Variants in MMP26 observed in about 807,000 individuals in gnomAD.
MMP26 encodes the protein matrix metallopeptidase 26.
MMP26 carries 33 observed loss-of-function variants against 31.0 expected under a neutral mutation model. The ratio of observed to expected loss-of-function variants is 1.06; its 90% CI spans 0.81 to 1.42. The LOEUF is 1.42. Ranked by LOEUF, MMP26 falls within the 40% of genes most tolerant of loss-of-function variation. MMP26 has a pLI of 0.00. For missense variants in MMP26, 347 were observed against 316.1 expected, an observed-to-expected ratio of 1.10 and a Z score of -0.74; for synonymous variants, 122 against 114.9, an observed-to-expected ratio of 1.06 and a Z score of -0.40.
chr11:4,969,421 A>G (rs1230083892), intron 2 of MMP26, among the ~76,000 whole-genome samples: 1 of 152,064 alleles, frequency 6.6e-6, no homozygotes, highest in Non-Finnish European at 1.5e-5. Context: ...TTAAGGTTGC[A>G]AGTTACTAAA....
intron 2 of MMP26, chr11:4,803,861 G>GT: frequency 6.2e-7 from 1 of 1,612,714 alleles, no homozygotes. Context: ...ATGGCTTGGT[G>GT]TTGGCAGAAG....
chr11:4,992,211 T>C lies in MMP26; in HGVS notation c.758-3T>C, dbSNP rs780246343. On this transcript the variant is annotated splice_polypyrimidine_tract_variant and splice_region_variant and intron_variant, in intron 7 of 7. Coordinates refer to ENST00000380390, the MANE Select transcript of MMP26 (RefSeq NM_021801.5). ...CTGTTGTTTTTTTTTTCTGTTTCCA[T>C]AGGAGAAAAATGTTCATCTGACATA... 22 of 1,606,102 alleles carry C rather than the reference T, an allele frequency of 1.4e-5. No homozygotes were observed. Among genetic ancestry groups the C allele is most frequent in the East Asian group, 6.7e-5 (3 of 44,758 alleles).
At chr11:4,986,580 G>C (rs1383953500) in intron 2 of MMP26, among the ~76,000 whole-genome samples, 1 of 137,494 alleles carries the variant, frequency 7.3e-6, no homozygotes, top group Non-Finnish European at 1.5e-5. Context: ...TCCCAGGCTG[G>C]AGTGCAGTGG....
chr11:4,862,674 G>A (rs1276343099), intron 2 of MMP26, among the ~76,000 whole-genome samples: 2 of 152,122 alleles, frequency 1.3e-5, no homozygotes, highest in Non-Finnish European at 1.5e-5. Context: ...GCAAGAACAA[G>A]TAGTTTCCCT....
intron 2 of MMP26, chr11:4,907,599 C>G (rs780032211): frequency 2.5e-6 from 4 of 1,613,832 alleles, no homozygotes; most frequent in Non-Finnish European, 2.5e-6. Context: ...TCCCTCTCCT[C>G]CCTTCCTACC....
intron 2 of MMP26, among the ~76,000 whole-genome samples, chr11:4,929,602 A>C (rs1851319010): frequency 6.6e-6 from 1 of 152,150 alleles, no homozygotes; most frequent in Admixed American, 6.6e-5. Flanking sequence ...CATTCAAATT[A>C]ATTTTACTCC....
chr11:4,936,299 G>T (rs1024682759), intron 2 of MMP26, among the ~76,000 whole-genome samples: 3 of 151,140 alleles, frequency 2.0e-5, no homozygotes, highest in African/African-American at 7.3e-5. Context: ...TCCTGGTTTA[G>T]TCTTGGGAGA....
In MMP26 at chr11:4,727,980, T is replaced by C. The variant is rs187342001; in HGVS notation, c.-217+22935T>C. 2.1e-3 allele frequency among the ~76,000 whole-genome samples: 313 copies of C among 152,312 alleles called. 1 individual carries two copies. The Middle Eastern group carries it at 0.048, about 23-fold the overall frequency. On this transcript the variant is annotated intron_variant, in intron 1 of 7. Transcript: ENST00000380390. Reference sequence around the variant, plus strand: ...AGTGTAAGTGAGCAGAATATACTCATGATCAGTTATTGGGAGTATAATTGG... The same window carrying C: ...AGTGTAAGTGAGCAGAATATACTCACGATCAGTTATTGGGAGTATAATTGG...
intron 2 of MMP26, among the ~76,000 whole-genome samples, chr11:4,905,189 A>G (rs902730806): frequency 3.3e-5 from 5 of 152,204 alleles, no homozygotes; most frequent in Admixed American, 1.3e-4. Context: ...ATAACAGGAG[A>G]ATGCTTTTAA....
At chr11:4,748,576 C>CAAAAAAA (rs376553434) in intron 1 of MMP26, among the ~76,000 whole-genome samples, 7 of 122,712 alleles carry the variant, frequency 5.7e-5, no homozygotes, top group African/African-American at 1.7e-4. Context: ...AACAGCACAT[C>CAAAAAAA]AAAAAAAAAA....
intron 1 of MMP26, chr11:4,723,717 G>A (rs1848052801): frequency 9.4e-7 from 1 of 1,068,946 alleles, no homozygotes. Flanking sequence ...GGCCCAGAGT[G>A]TCCAGTTGCC....
chr11:4,954,967 C>A, intron 2 of MMP26: 1 of 1,334,370 alleles, frequency 7.5e-7, no homozygotes, highest in South Asian at 1.2e-5. Context: ...AGAAGATGAT[C>A]ACTGCACAGA....
chr11:4,807,708 G>A (rs1409062148), intron 2 of MMP26, among the ~76,000 whole-genome samples: 2 of 152,144 alleles, frequency 1.3e-5, no homozygotes, highest in Non-Finnish European at 2.9e-5. Flanking sequence ...CGTGGCACAT[G>A]TATACATATG....
intron 2 of MMP26, chr11:4,882,679 C>G (rs111347642): frequency 6.2e-7 from 1 of 1,613,940 alleles, no homozygotes; most frequent in Non-Finnish European, 8.5e-7. Flanking sequence ...TGATCAGCCT[C>G]TCTTTGGCAC....
chr11:4,898,711 C>T (rs780044453), intron 2 of MMP26, among the ~76,000 whole-genome samples: 7 of 151,934 alleles, frequency 4.6e-5, no homozygotes, highest in Non-Finnish European at 8.8e-5. Flanking sequence ...ATATAGGGGA[C>T]ATTTACTTAC....
At chr11:4,821,451 G>C in intron 2 of MMP26, 2 of 1,613,830 alleles carry the variant, frequency 1.2e-6, no homozygotes, top group Non-Finnish European at 1.7e-6. Flanking sequence ...CCATTGCTGA[G>C]CCTCTGATCT....
intron 2 of MMP26, among the ~76,000 whole-genome samples, chr11:4,880,927 A>G (rs908031781): frequency 1.3e-5 from 2 of 152,106 alleles, no homozygotes; most frequent in African/African-American, 4.8e-5. Context: ...GAAAATAGGG[A>G]TGTTGACCTT....
intron 1 of MMP26, among the ~76,000 whole-genome samples, chr11:4,746,400 T>A (rs1271033782): frequency 2.0e-5 from 3 of 152,242 alleles, no homozygotes; most frequent in Non-Finnish European, 4.4e-5. Flanking sequence ...TTAAATTATA[T>A]CTTTGCAAAT....
In MMP26 at chr11:4,988,295, A is replaced by G; in HGVS notation, c.84A>G (p.Gly28=). ...VPVPPAADHK[G]WDFVEGYFHQ... Reference sequence around the variant, plus strand: ...TGCCCCCTGCTGCAGACCATAAAGGATGGGACTTTGTTGAGGTAGGTGAAC... The same window carrying G: ...TGCCCCCTGCTGCAGACCATAAAGGGTGGGACTTTGTTGAGGTAGGTGAAC... Residue 28 remains glycine (G), a synonymous_variant, in exon 3 of 8, where the codon GGA becomes GGG. Transcript: ENST00000380390. 2 of 1,613,858 alleles carry G rather than the reference A, an allele frequency of 1.2e-6. No homozygotes were observed. Among genetic ancestry groups the G allele is most frequent in the East Asian group, 2.2e-5 (1 of 44,858 alleles).
Sources: gnomAD v4.1 joint callset for allele counts (sites outside exome capture counted in the v4.1 genomes callset) on GRCh38, gnomAD v4.1.1 for gene constraint, MANE v1.5 for transcripts, NCBI Gene and HGNC (gene_info 2026-07-23, HGNC 2026-07-21) for gene names.